Variants in CDH17 observed in about 807,000 individuals in gnomAD.
CDH17 encodes the protein cadherin 17, also known as cadherin-17.
A neutral mutation model predicts 86.3 loss-of-function variants in CDH17; 67 were observed. The observed-to-expected ratio is 0.78, with a 90% CI of 0.64 to 0.95. The LOEUF is 0.95. Among genes scored for constraint, CDH17 ranks in the 40% least tolerant of loss-of-function variants. The probability of loss-of-function intolerance (pLI) is 0.00; values close to 1 mark genes in which losing one functional copy is unlikely to be tolerated. For missense variants in CDH17, 993 were observed against 1,017.6 expected, an observed-to-expected ratio of 0.98 and a Z score of 0.33; for synonymous variants, 367 against 366.4, an observed-to-expected ratio of 1.00 and a Z score of -0.02.
chr8:94,174,246 A>T lies in CDH17; in HGVS notation c.439T>A (p.Tyr147Asn), dbSNP rs781417113. ...TCATCCAGGTCTGTGGCATTGACAT[A>T]CAAGAAGGGCTTTCCTGTTTAACAA... ...QNSRPGKPFLYVNATDLDDPA... is the reference protein window; with the variant it reads ...QNSRPGKPFLNVNATDLDDPA... Residue 147 changes from tyrosine (Y) to asparagine (N), a missense_variant, in exon 6 of 18, where the codon TAT (tyrosine) becomes AAT (asparagine). By Grantham distance (143) the Tyr-to-Asn change is moderately radical (BLOSUM62 -2). Coordinates refer to ENST00000027335, the MANE Select transcript of CDH17 (RefSeq NM_004063.4). 1 of 1,610,700 alleles carries T rather than the reference A, an allele frequency of 6.2e-7. No individual in the cohort carries two copies. Among genetic ancestry groups the T allele is most frequent in the Non-Finnish European group, 8.5e-7 (1 of 1,178,794 alleles).
At chr8:94,135,083 A>G (rs546824708) in intron 15 of CDH17, among the ~76,000 whole-genome samples, 31 of 152,120 alleles carry the variant, frequency 2.0e-4, no homozygotes, top group South Asian at 1.5e-3. Context: ...TTCCAATTAT[A>G]TGGTCAATTT....
chr8:94,131,975 G>T (rs1248799848), intron 15 of CDH17, among the ~76,000 whole-genome samples: 2 of 152,096 alleles, frequency 1.3e-5, no homozygotes, highest in Non-Finnish European at 2.9e-5. Context: ...ATGGTTTCCA[G>T]CTTCATCCAT....
intron 3 of CDH17, among the ~76,000 whole-genome samples, chr8:94,180,310 A>G (rs890850977): frequency 2.0e-5 from 3 of 152,088 alleles, no homozygotes; most frequent in African/African-American, 7.2e-5. Context: ...GCAGAAAAAC[A>G]CATACATAAT....
chr8:94,205,625 G>A (rs992017596), intron 1 of CDH17, among the ~76,000 whole-genome samples: 1 of 151,922 alleles, frequency 6.6e-6, no homozygotes, highest in Non-Finnish European at 1.5e-5. Context: ...GGGTAGGAGA[G>A]GAAGGGAAAA....
intron 12 of CDH17, among the ~76,000 whole-genome samples, chr8:94,157,247 G>C (rs1050033098): frequency 6.6e-6 from 1 of 152,180 alleles, no homozygotes; most frequent in Non-Finnish European, 1.5e-5. Flanking sequence ...TATTAACACA[G>C]TGGTTCAGAA....
At chr8:94,166,134 A>G (rs1461763850) in intron 9 of CDH17, among the ~76,000 whole-genome samples, 158 bp from the exon 10 acceptor site, 2 of 139,172 alleles carry the variant, frequency 1.4e-5, no homozygotes, top group African/African-American at 3.4e-5. Flanking sequence ...TCATCCTATC[A>G]TGTAATGGGT....
At chr8:94,143,828 G>A (rs1812684119) in intron 15 of CDH17, among the ~76,000 whole-genome samples, 1 of 152,140 alleles carries the variant, frequency 6.6e-6, no homozygotes, top group South Asian at 2.1e-4. Context: ...TTAGATTTTG[G>A]TTTAAAGGAC....
chr8:94,152,296 A>G (rs1489413859), intron 12 of CDH17, among the ~76,000 whole-genome samples, 184 bp from the exon 13 acceptor site: 3 of 152,254 alleles, frequency 2.0e-5, no homozygotes, highest in African/African-American at 7.2e-5. Flanking sequence ...AAAATAGATT[A>G]CAGACAAAAT....
intron 9 of CDH17, among the ~76,000 whole-genome samples, chr8:94,167,014 C>T (rs1035292515): frequency 6.6e-6 from 1 of 152,112 alleles, no homozygotes; most frequent in African/African-American, 2.4e-5. Flanking sequence ...AGCCCTAGGA[C>T]GCTAATACAC....
chr8:94,176,504 C>T (rs189159948), intron 5 of CDH17, 37 bp downstream of exon 5: 597 of 1,609,998 alleles, frequency 3.7e-4, no homozygotes, highest in Non-Finnish European at 4.9e-4. Flanking sequence ...GACACCCTTC[C>T]ATCTTTCCAT....
At chr8:94,158,722 C>G (rs1812993098) in intron 12 of CDH17, among the ~76,000 whole-genome samples, 1 of 152,138 alleles carries the variant, frequency 6.6e-6, no homozygotes, top group Non-Finnish European at 1.5e-5. Context: ...AGGCTTTGAG[C>G]TGGTCCACAG....
At chr8:94,210,252 AAAG>A (rs1814101130), upstream of CDH17, among the ~76,000 whole-genome samples, 1 of 150,570 alleles carries the variant, frequency 6.6e-6, no homozygotes, top group African/African-American at 2.5e-5. Context: ...AAAAAAAAAA[AAAG>A]TCCAAGGGCA....
chr8:94,146,289 CT>C, intron 14 of CDH17, 122 bp from the exon 15 acceptor site: 1 of 839,318 alleles, frequency 1.2e-6, no homozygotes, highest in Non-Finnish European at 1.7e-6. Flanking sequence ...AGACGACAAG[CT>C]TTTAGAATCA....
chr8:94,194,571 G>A (rs56129387), intron 2 of CDH17, 64 bp downstream of exon 2: 3 of 1,075,416 alleles, frequency 2.8e-6, no homozygotes, highest in South Asian at 1.3e-5. Context: ...TCCCTGGTGT[G>A]GGGTAGAAAG....
At chr8:94,177,091 T>C (rs574959426) in intron 4 of CDH17, among the ~76,000 whole-genome samples, 1 of 152,204 alleles carries the variant, frequency 6.6e-6, no homozygotes, top group Non-Finnish European at 1.5e-5. Flanking sequence ...CTGACTTTCC[T>C]AGGTATTCAG....
chr8:94,168,831 G>A (rs944334727), intron 9 of CDH17, among the ~76,000 whole-genome samples: 25 of 152,142 alleles, frequency 1.6e-4, no homozygotes, highest in Non-Finnish European at 3.4e-4. Context: ...GTTGAGTGCA[G>A]GCTGGACCTA....
At chr8:94,208,105 T>G (rs140370768) in intron 1 of CDH17, among the ~76,000 whole-genome samples, 86 of 152,246 alleles carry the variant, frequency 5.6e-4, no homozygotes, top group African/African-American at 2.0e-3. Flanking sequence ...AACCCCAATT[T>G]CTAGAATACA....
rs540808511 is a variant in CDH17, at chr8:94,208,306, T to C, written c.-21+177A>G. On this transcript the variant is annotated intron_variant, in intron 1 of 17. Transcript: ENST00000027335. The stretch of plus-strand genomic sequence containing the variant: ...ATGAAAAGAAACTACAAAAAAAAAT[T>C]GTGCTCCATAAGCAAAACTTGTCAT... Among the ~76,000 whole-genome samples, 3 of 152,264 alleles carry C rather than the reference T, an allele frequency of 2.0e-5. No homozygotes were observed. In the South Asian group the frequency reaches 6.2e-4, roughly 32 times the overall value.
intron 15 of CDH17, among the ~76,000 whole-genome samples, chr8:94,137,356 C>T (rs1812549907): frequency 6.6e-6 from 1 of 152,190 alleles, no homozygotes; most frequent in Non-Finnish European, 1.5e-5. Context: ...GTGGATGCCC[C>T]TCTCCTAGCC....
Sources: allele counts gnomAD v4.1 joint callset (sites outside exome capture counted in the v4.1 genomes callset), GRCh38; gene constraint gnomAD v4.1.1; transcripts MANE v1.5; gene names NCBI Gene and HGNC (gene_info 2026-07-23, HGNC 2026-07-21).